GLYR1: variants seen among roughly 807,000 people sequenced by gnomAD.
GLYR1 encodes the protein glyoxylate reductase 1 homolog.
GLYR1 carries 21 observed loss-of-function variants against 72.7 expected under a neutral mutation model. That is an observed-to-expected ratio of 0.29 (90% confidence interval 0.20 to 0.42). GLYR1 has a LOEUF of 0.42. Ranked by LOEUF, GLYR1 falls within the 10% of genes least tolerant of loss-of-function variation. GLYR1 has a pLI of 1.00. For missense variants in GLYR1, 594 were observed against 712.1 expected (o/e 0.83, Z 1.89); for synonymous variants, 392 against 270.2 (o/e 1.45, Z -4.42).
chr16:4,811,958 A>G, intron 13 of GLYR1, 128 bp downstream of exon 13: 1 of 1,422,446 alleles, frequency 7.0e-7, no homozygotes, highest in Non-Finnish European at 9.5e-7. Flanking sequence ...CGCACTGACT[A>G]TGCAGGTGAA....
At chr16:4,820,200 G>A (rs1320046997) in intron 9 of GLYR1, among the ~76,000 whole-genome samples, 1 of 152,186 alleles carries the variant, frequency 6.6e-6, no homozygotes. Flanking sequence ...TGTTGGCCAG[G>A]CTGGTCTTGA....
intron 15 of GLYR1, among the ~76,000 whole-genome samples, chr16:4,805,720 G>A (rs2082928022): frequency 1.3e-5 from 2 of 152,150 alleles, no homozygotes; most frequent in Non-Finnish European, 2.9e-5. Flanking sequence ...GCTCATGCCT[G>A]TAATCCCAGC....
Position 4,847,212 on chromosome 16 carries a change from G to A in GLYR1, c.38+16C>T. 1.3e-6 allele frequency: 2 copies of A among 1,599,006 alleles called. No homozygotes were observed. The highest frequency in any genetic ancestry group is 2.2e-5 in the South Asian group (2 of 89,562). ...CTCCCCGGCGCGTCTCGGTTGGCCCGGCCGCTCGGACTCACCACACCAAGT... is the reference window on the plus strand; with the variant it reads ...CTCCCCGGCGCGTCTCGGTTGGCCCAGCCGCTCGGACTCACCACACCAAGT... On this transcript the variant is annotated intron_variant, in intron 1 of 15. Coordinates refer to ENST00000321919, the MANE Select transcript of GLYR1 (RefSeq NM_032569.4).
intron 7 of GLYR1, 96 bp downstream of exon 7, chr16:4,822,779 G>T (rs2084121921): frequency 2.9e-6 from 3 of 1,022,626 alleles, no homozygotes; most frequent in Non-Finnish European, 4.6e-6. Context: ...TACACCGGCA[G>T]AGCCTAACTT....
At chr16:4,825,737 T>C (rs1477299619) in intron 5 of GLYR1, among the ~76,000 whole-genome samples, 2 of 151,932 alleles carry the variant, frequency 1.3e-5, no homozygotes, top group African/African-American at 4.8e-5. Context: ...CTGCAACCTC[T>C]GTCTCCTGGG....
chr16:4,830,491 T>C (rs1426643992), intron 5 of GLYR1, among the ~76,000 whole-genome samples: 1 of 152,186 alleles, frequency 6.6e-6, no homozygotes, highest in Non-Finnish European at 1.5e-5. Flanking sequence ...GCAGGTCAGC[T>C]GGGGTGCCTG....
chr16:4,822,175 C>T (rs2084075134), intron 7 of GLYR1, among the ~76,000 whole-genome samples: 1 of 152,244 alleles, frequency 6.6e-6, no homozygotes, highest in African/African-American at 2.4e-5. Context: ...CAACCTTTAC[C>T]TCCTGGGTTC....
chr16:4,843,817 T>G, intron 3 of GLYR1: 1 of 210,594 alleles, frequency 4.7e-6, no homozygotes, highest in South Asian at 6.7e-5. Context: ...TCAAACCGGC[T>G]GGGCATGGTG....
At position 4,841,457 on chromosome 16, in the gene GLYR1, C is replaced by CAAAAAAAAAA. The variant is rs1160441336; in HGVS notation, c.155+3607_155+3616dup. Among the ~76,000 whole-genome samples the CAAAAAAAAAA allele has an allele frequency of 9.1e-4, 29 of 31,944 alleles. 2 individuals carry two copies. Among genetic ancestry groups the CAAAAAAAAAA allele is most frequent in the South Asian group, 1.5e-3 (1 of 654 alleles). 21.0% of individuals were successfully genotyped at this position (31,944 alleles called of 152,430 possible). A position where few individuals can be genotyped will look rare whatever the true frequency, so the allele number is the denominator to read the frequency against. On this transcript the variant is annotated intron_variant, in intron 3 of 15. Coordinates refer to ENST00000321919, the MANE Select transcript of GLYR1 (RefSeq NM_032569.4). ...GAAACATGGCGAGAACTTGTCTCTA[C>CAAAAAAAAAA]AAAAAAAAAAAAAAAAAAAAAAAAA...
rs556311758 is a variant in GLYR1 at position 4,836,599 on chromosome 16, T to C, written c.156-3687A>G. 2.6e-5 allele frequency among the ~76,000 whole-genome samples: 4 copies of C among 152,308 alleles called. No individual in the cohort carries two copies. In the East Asian group the frequency reaches 7.7e-4, roughly 29 times the overall value. The stretch of plus-strand genomic sequence containing the variant: ...GAAAGCGGATGTCTCGTAAGATATC[T>C]GGCTACGTGGAGATGAGCAAGATAA... On this transcript the variant is annotated intron_variant, in intron 3 of 15. Coordinates refer to ENST00000321919, the MANE Select transcript of GLYR1 (RefSeq NM_032569.4).
chr16:4,828,538 T>C (rs950298351), intron 5 of GLYR1, among the ~76,000 whole-genome samples: 3 of 152,088 alleles, frequency 2.0e-5, no homozygotes, highest in East Asian at 1.9e-4. Flanking sequence ...CCCAGATTAA[T>C]AATTCAGACC....
At chr16:4,837,646 CATAGAGT>C (rs1486337020) in intron 3 of GLYR1, among the ~76,000 whole-genome samples, 2 of 151,988 alleles carry the variant, frequency 1.3e-5, no homozygotes, top group Non-Finnish European at 2.9e-5. Context: ...CACACACAAG[CATAGAGT>C]ATAAAGGTGA....
intron 12 of GLYR1, 65 bp downstream of exon 12, chr16:4,813,672 G>A: frequency 7.2e-7 from 1 of 1,387,642 alleles, no homozygotes; most frequent in Non-Finnish European, 1.0e-6. Context: ...GCCCACTCTT[G>A]TAAGCCTGGG....
chr16:4,825,647 T>C (rs1011551605), intron 5 of GLYR1, among the ~76,000 whole-genome samples: 39 of 142,114 alleles, frequency 2.7e-4, no homozygotes, highest in Non-Finnish European at 4.7e-4. Context: ...ACAGAATTAT[T>C]ATCATCTTCT....
chr16:4,827,541 T>C (rs1040836296), intron 5 of GLYR1, among the ~76,000 whole-genome samples: 3 of 151,992 alleles, frequency 2.0e-5, no homozygotes, highest in Non-Finnish European at 4.4e-5. Context: ...ACACACCTCG[T>C]TTTATTATGC....
At chr16:4,822,016 A>G (rs1395850465) in intron 7 of GLYR1, among the ~76,000 whole-genome samples, 2 of 152,352 alleles carry the variant, frequency 1.3e-5, no homozygotes, top group African/African-American at 2.4e-5. Context: ...GGGTGCTGAC[A>G]GCTTACGATG....
chr16:4,846,347 C>T, intron 1 of GLYR1, 137 bp from the exon 2 acceptor site: 1 of 917,222 alleles, frequency 1.1e-6, no homozygotes, highest in Non-Finnish European at 1.8e-6. Context: ...CATAGCTGGG[C>T]CCAACACCCT....
rs1396054800 is a variant in GLYR1, at chr16:4,811,605, G to A, written c.1462+18C>T. On this transcript the variant is annotated intron_variant, in intron 14 of 15. Coordinates refer to ENST00000321919, the MANE Select transcript of GLYR1 (RefSeq NM_032569.4). ...AATCAAACACCAAATGCAAGAAGAGGGGCCAAAAACAACTCACTTTGGCAC... is the reference window on the plus strand; with the variant it reads ...AATCAAACACCAAATGCAAGAAGAGAGGCCAAAAACAACTCACTTTGGCAC... The A allele has an allele frequency of 3.1e-6, 5 of 1,612,612 alleles. No homozygotes were observed. The highest frequency in any genetic ancestry group is 4.2e-6 in the Non-Finnish European group (5 of 1,179,932).
intron 5 of GLYR1, among the ~76,000 whole-genome samples, chr16:4,824,380 C>T (rs2084242291): frequency 6.6e-6 from 1 of 151,648 alleles, no homozygotes; most frequent in African/African-American, 2.4e-5. Flanking sequence ...TGCACCTGTA[C>T]TCCCAGCTAC....
Sources: allele counts gnomAD v4.1 joint callset (sites outside exome capture counted in the v4.1 genomes callset), GRCh38; gene constraint gnomAD v4.1.1; transcripts MANE v1.5; gene names NCBI Gene and HGNC (gene_info 2026-07-23, HGNC 2026-07-21).